The following RXFP1 variants were observed in gnomAD, a reference collection of about 807,000 sequenced individuals.
The protein encoded by RXFP1 is relaxin family peptide receptor 1.
In RXFP1, 73 loss-of-function variants were observed where a neutral mutation model predicts 89.8. The observed-to-expected ratio is 0.81, with a 90% CI of 0.67 to 0.99. The LOEUF is 0.99. Ranked by LOEUF, RXFP1 falls within the 50% of genes least tolerant of loss-of-function variation. The pLI is 0.00. For synonymous variants in RXFP1, 277 were observed against 305.5 expected, an observed-to-expected ratio of 0.91 and a Z score of 0.97; for missense variants, 793 against 895.5, an observed-to-expected ratio of 0.89 and a Z score of 1.46.
At position 158,639,290 on chromosome 4, in the gene RXFP1, C is replaced by T; in HGVS notation, c.1074C>T (p.Ile358=). 3 of 1,572,298 alleles carry T rather than the reference C, an allele frequency of 1.9e-6. No homozygotes were observed. Among genetic ancestry groups the T allele is most frequent in the Non-Finnish European group, 1.8e-6 (2 of 1,142,182 alleles). The change falls in exon 14 of 18, where the codon ATC becomes ATT. Residue 358 remains isoleucine (I), a synonymous_variant. Transcript: ENST00000307765. ...LSLEGIEISN[I]QQRMFRPLMN... is the part of the protein sequence containing the mutation. ...TAGAAGGGATTGAAATTTCAAATATCCAACAAAGGATGTTTAGACCTCTTA... is the reference window on the plus strand; with the variant it reads ...TAGAAGGGATTGAAATTTCAAATATTCAACAAAGGATGTTTAGACCTCTTA...
In RXFP1 at chr4:158,536,883, G is replaced by A. The variant is rs72693347; in HGVS notation, c.49+14858G>A. Among the ~76,000 whole-genome samples, 1,363 of 152,148 alleles carry A rather than the reference G, an allele frequency of 9.0e-3. 8 individuals are homozygous for A. Among genetic ancestry groups the A allele is most frequent in the Non-Finnish European group, 0.014 (919 of 67,964 alleles). On this transcript the variant is annotated intron_variant, in intron 1 of 17. Transcript: ENST00000307765. ...GCCAGGAAATCATATACACTTTGGA[G>A]TTGCAATATTGTTGTACTAGATAGC...
At chr4:158,578,537 A>C (rs1397497384) in intron 2 of RXFP1, among the ~76,000 whole-genome samples, 1 of 152,234 alleles carries the variant, frequency 6.6e-6, no homozygotes, top group Non-Finnish European at 1.5e-5. Flanking sequence ...AGGAACATCA[A>C]ATTCTCAGAT....
chr4:158,561,462 A>G (rs1013726502), intron 1 of RXFP1, among the ~76,000 whole-genome samples: 1 of 152,204 alleles, frequency 6.6e-6, no homozygotes, highest in African/African-American at 2.4e-5. Flanking sequence ...TAAAGTATAT[A>G]TGAAACAAAT....
chr4:158,593,066 G>A (rs868437635), intron 2 of RXFP1, among the ~76,000 whole-genome samples: 1 of 148,068 alleles, frequency 6.8e-6, no homozygotes, highest in Middle Eastern at 3.5e-3. Context: ...CCACCTGGGC[G>A]ACCAGGCGAG....
At chr4:158,623,508 A>AAAAAAAAAAAAAAAAAAAAAAAG in intron 9 of RXFP1, among the ~76,000 whole-genome samples, 1 of 148,006 alleles carries the variant, frequency 6.8e-6, no homozygotes, top group Non-Finnish European at 1.5e-5. Flanking sequence ...ATCTCAAAAA[A>AAAAAAAAAAAAAAAAAAAAAAAG]AAAAAAAAAA....
intron 1 of RXFP1, among the ~76,000 whole-genome samples, chr4:158,572,341 A>G (rs1415715811): frequency 6.6e-6 from 1 of 152,216 alleles, no homozygotes; most frequent in Non-Finnish European, 1.5e-5. Context: ...AGCCCATAGT[A>G]AGAATACAAC....
intron 17 of RXFP1, among the ~76,000 whole-genome samples, chr4:158,650,134 G>C (rs1772364470): frequency 6.6e-6 from 1 of 152,160 alleles, no homozygotes; most frequent in Admixed American, 6.5e-5. Context: ...AAATAAGTTA[G>C]ACACAAAAGG....
chr4:158,637,890 C>T (rs767360093), intron 12 of RXFP1, 118 bp from the exon 13 acceptor site: 31 of 645,256 alleles, frequency 4.8e-5, no homozygotes, highest in Middle Eastern at 2.9e-4. Context: ...TCATCCATTA[C>T]GAGTTATTGT....
At chr4:158,637,711 T>G (rs1363120408) in intron 12 of RXFP1, among the ~76,000 whole-genome samples, 1 of 152,208 alleles carries the variant, frequency 6.6e-6, no homozygotes, top group Non-Finnish European at 1.5e-5. Flanking sequence ...GATTGTTTCC[T>G]TAGCTGTGCA....
At chr4:158,643,986 A>C (rs183431345) in intron 14 of RXFP1, among the ~76,000 whole-genome samples, 1 of 148,024 alleles carries the variant, frequency 6.8e-6, no homozygotes, top group African/African-American at 2.5e-5. Flanking sequence ...CATTTCCTTG[A>C]TCATTAGTGA....
chr4:158,617,765 A>G lies in RXFP1; in HGVS notation c.755+560A>G, dbSNP rs929269478. On this transcript the variant is annotated intron_variant, in intron 9 of 17. Coordinates refer to ENST00000307765, the MANE Select transcript of RXFP1 (RefSeq NM_021634.4). Reference sequence around the variant, plus strand: ...CAAGTGAAAAATAAAAGAAAGAAATAACCAAAATAACTACTAACAAGTTCA... The same window carrying G: ...CAAGTGAAAAATAAAAGAAAGAAATGACCAAAATAACTACTAACAAGTTCA... Among the ~76,000 whole-genome samples the G allele has an allele frequency of 9.2e-5, 14 of 152,274 alleles. 1 individual carries two copies. Among genetic ancestry groups the G allele is most frequent in the Middle Eastern group, 3.4e-3 (1 of 294 alleles).
At chr4:158,618,367 A>C (rs1362595389) in intron 9 of RXFP1, among the ~76,000 whole-genome samples, 1 of 152,126 alleles carries the variant, frequency 6.6e-6, no homozygotes, top group Non-Finnish European at 1.5e-5. Flanking sequence ...CTTTGTTTAC[A>C]AAAAGGCAAG....
chr4:158,644,536 C>T (rs1461699170), intron 14 of RXFP1, among the ~76,000 whole-genome samples: 1 of 152,140 alleles, frequency 6.6e-6, no homozygotes. Flanking sequence ...GGATAGAAAG[C>T]AGTCACTTGC....
At chr4:158,523,019 C>T (rs957811994) in intron 1 of RXFP1, among the ~76,000 whole-genome samples, 2 of 152,122 alleles carry the variant, frequency 1.3e-5, no homozygotes, top group Non-Finnish European at 2.9e-5. Context: ...TCCCTCTGCT[C>T]CATCGCATCT....
intron 1 of RXFP1, among the ~76,000 whole-genome samples, chr4:158,548,739 G>A (rs1749233667): frequency 6.6e-6 from 1 of 152,130 alleles, no homozygotes; most frequent in Non-Finnish European, 1.5e-5. Context: ...TGAAATTCTG[G>A]GTTGAAAATT....
Position 158,638,079 on chromosome 4 carries a change from T to C in RXFP1, c.1043T>C (p.Leu348Pro). The stretch of plus-strand genomic sequence containing the variant: ...GATTATCTTGTCAAACTCAAGTCTC[T>C]GTAAGTATTCACATATGGGGATAGT... ...QFDYLVKLKS[L>P]SLEGIEISNI... Residue 348 changes from leucine (L) to proline (P), a missense_variant and splice_region_variant, in exon 13 of 18, where the codon CTC becomes CCC. Transcript: ENST00000307765. 6.4e-7 allele frequency: 1 copy of C among 1,570,608 alleles called. No homozygotes were observed. The highest frequency in any genetic ancestry group is 8.8e-7 in the Non-Finnish European group (1 of 1,142,298).
At chr4:158,623,464 T>C (rs974275299) in intron 9 of RXFP1, among the ~76,000 whole-genome samples, 1 of 118,422 alleles carries the variant, frequency 8.4e-6, no homozygotes, top group Non-Finnish European at 1.7e-5. Flanking sequence ...ATTGTGCCAT[T>C]GCACTCCAGC....
chr4:158,631,768 C>T (rs1329692962), intron 11 of RXFP1, among the ~76,000 whole-genome samples: 1 of 152,136 alleles, frequency 6.6e-6, no homozygotes, highest in Non-Finnish European at 1.5e-5. Context: ...AGACTGGAAA[C>T]ATAGTCAATG....
At chr4:158,565,863 A>C (rs1422405410) in intron 1 of RXFP1, among the ~76,000 whole-genome samples, 3 of 152,248 alleles carry the variant, frequency 2.0e-5, no homozygotes, top group African/African-American at 7.2e-5. Flanking sequence ...CCACTAATGG[A>C]AAAAATTAAT....
Sources: allele counts gnomAD v4.1 joint callset (sites outside exome capture counted in the v4.1 genomes callset), GRCh38; gene constraint gnomAD v4.1.1; transcripts MANE v1.5; gene names NCBI Gene and HGNC (gene_info 2026-07-23, HGNC 2026-07-21).